MICAL2: variants seen among roughly 807,000 people sequenced by gnomAD.
MICAL2 encodes the protein [F-actin]-monooxygenase MICAL2.
In MICAL2, 77 loss-of-function variants were observed where a neutral mutation model predicts 127.3. That is an observed-to-expected ratio of 0.60 (90% CI 0.50 to 0.73). MICAL2 has a LOEUF of 0.73. Among genes scored for constraint, MICAL2 ranks in the 30% least tolerant of loss-of-function variants. The pLI is 0.00. For missense variants in MICAL2, 1,351 were observed against 1,434.4 expected (o/e 0.94, Z 0.94); for synonymous variants, 570 against 551.1 (o/e 1.03, Z -0.48).
At chr11:12,168,642 T>TTA (rs1165342553) in intron 3 of MICAL2, among the ~76,000 whole-genome samples, 1 of 151,570 alleles carries the variant, frequency 6.6e-6, no homozygotes, top group Non-Finnish European at 1.5e-5. Context: ...ATATATTTCT[T>TTA]TATATATATA....
At chr11:12,134,228 T>A (rs1302953432) in intron 1 of MICAL2, among the ~76,000 whole-genome samples, 2 of 152,238 alleles carry the variant, frequency 1.3e-5, no homozygotes, top group African/African-American at 4.8e-5. Context: ...AGGCAAGTTT[T>A]CTTCCCTTAT....
intron 3 of MICAL2, among the ~76,000 whole-genome samples, chr11:12,168,719 T>G (rs931565542): frequency 6.6e-6 from 1 of 151,016 alleles, no homozygotes; most frequent in Non-Finnish European, 1.5e-5. Flanking sequence ...AAAAAATAAC[T>G]CAAGTAGGGT....
In MICAL2 at chr11:12,221,744, A is replaced by C. The variant is rs1469065848; in HGVS notation, c.1307A>C (p.Glu436Ala). Reference sequence around the variant, plus strand: ...TGGAACCAGGGCACCCCTCCCCTGGAGCTGCTGGCTGAAAGGTGAGCTTTG... The same window carrying C: ...TGGAACCAGGGCACCCCTCCCCTGGCGCTGCTGGCTGAAAGGTGAGCTTTG... ...KSWNQGTPPLELLAERESLYR... is the reference protein window; with the variant it reads ...KSWNQGTPPLALLAERESLYR... The change falls in exon 10 of 28, where the codon GAG (glutamate) becomes GCG (alanine). Residue 436 changes from glutamate to alanine, a missense_variant. Glu to Ala is a moderately radical substitution (Grantham distance 107). Coordinates refer to ENST00000683283, the MANE Select transcript of MICAL2 (RefSeq NM_001282663.2). 6.2e-7 allele frequency: 1 copy of C among 1,613,098 alleles called. No homozygotes were observed. Among genetic ancestry groups the C allele is most frequent in the Non-Finnish European group, 8.5e-7 (1 of 1,179,652 alleles).
At chr11:12,160,796 G>A (rs141309020) in intron 2 of MICAL2, among the ~76,000 whole-genome samples, 1 of 152,222 alleles carries the variant, frequency 6.6e-6, no homozygotes, top group Non-Finnish European at 1.5e-5. Context: ...GGCGGGGCCT[G>A]AGCCTACGTA....
rs189663248 is a variant in MICAL2, at chr11:12,346,446, C to A, written c.5516-3392C>A. Among the ~76,000 whole-genome samples the A allele has an allele frequency of 7.0e-4, 107 of 152,258 alleles. 2 individuals carry two copies. The highest frequency in any genetic ancestry group is 6.1e-3 in the Admixed American group (93 of 15,304). ...GAAGTAGAGGAGTGGCATTTTGATC[C>A]CAAGTCTGAGTTTAAAGTGTACATT... is the stretch of plus-strand genomic sequence containing the variant. On this transcript the variant is annotated intron_variant, in intron 32 of 34. Coordinates refer to the MICAL2 transcript ENST00000646065.
In MICAL2 at chr11:12,184,426, C is replaced by T. The variant is rs151084088; in HGVS notation, c.265-19824C>T. 8.8e-3 allele frequency among the ~76,000 whole-genome samples: 1,340 copies of T among 152,318 alleles called. 14 individuals are homozygous for T. Among genetic ancestry groups the T allele is most frequent in the Admixed American group, 0.013 (204 of 15,306 alleles). ...CCCTGACCACCAGCATACCTGCCCACAGAGGCCGAAAATGTGGTAGTCAGC... is the reference window on the plus strand; with the variant it reads ...CCCTGACCACCAGCATACCTGCCCATAGAGGCCGAAAATGTGGTAGTCAGC... On this transcript the variant is annotated intron_variant, in intron 3 of 27. Coordinates refer to ENST00000683283, the MANE Select transcript of MICAL2 (RefSeq NM_001282663.2).
chr11:12,222,829 G>A, intron 11 of MICAL2, 86 bp downstream of exon 11: 1 of 1,549,502 alleles, frequency 6.5e-7, no homozygotes, highest in Middle Eastern at 1.9e-4. Context: ...ATTAAATTTT[G>A]GTCCATTCCT....
chr11:12,241,639 TGGC>T (rs2134471740), intron 18 of MICAL2, among the ~76,000 whole-genome samples: 1 of 152,360 alleles, frequency 6.6e-6, no homozygotes, highest in East Asian at 1.9e-4. Context: ...GGAAGGCAGC[TGGC>T]AGTCACGGAG....
At chr11:12,352,235 A>C in intron 33 of MICAL2, among the ~76,000 whole-genome samples, 1 of 152,220 alleles carries the variant, frequency 6.6e-6, no homozygotes, top group East Asian at 1.9e-4. Context: ...AAAACGTAAA[A>C]ATTATTTTAA....
downstream of MICAL2, among the ~76,000 whole-genome samples, chr11:12,361,292 A>T (rs145108585): frequency 1.5e-3 from 230 of 152,318 alleles, 2 homozygotes; most frequent in African/African-American, 5.2e-3. Flanking sequence ...TGGTCTATTT[A>T]TTTAACATCC....
chr11:12,228,708 G>A (rs990012056), intron 15 of MICAL2, among the ~76,000 whole-genome samples: 2 of 152,170 alleles, frequency 1.3e-5, no homozygotes, highest in Non-Finnish European at 2.9e-5. Context: ...GCGCTTCTAC[G>A]GGATGGGCCC....
intron 1 of MICAL2, among the ~76,000 whole-genome samples, chr11:12,114,485 A>G (rs573381239): frequency 1.3e-5 from 2 of 152,218 alleles, no homozygotes; most frequent in African/African-American, 4.8e-5. Context: ...TAGTTTAGAG[A>G]AGCGCCCCCT....
chr11:12,161,959 CTAAA>C (rs969049126), intron 2 of MICAL2, 116 bp from the exon 3 acceptor site: 5 of 655,592 alleles, frequency 7.6e-6, no homozygotes, highest in African/African-American at 7.3e-5. Flanking sequence ...GTATTGAACA[CTAAA>C]TAGTGTGGTT....
chr11:12,168,817 C>T (rs1855867415), intron 3 of MICAL2, among the ~76,000 whole-genome samples: 1 of 151,630 alleles, frequency 6.6e-6, no homozygotes, highest in African/African-American at 2.4e-5. Flanking sequence ...TGCACCCCAC[C>T]GTGCCTGTGG....
In MICAL2 at chr11:12,146,268, G is replaced by A. The variant is rs554417879; in HGVS notation, c.-78+7808G>A. ...CACAGCAAAAGAAACTACCATCAGCGTGAATAGGCAACCTACAGAATGGGA... is the reference window on the plus strand; with the variant it reads ...CACAGCAAAAGAAACTACCATCAGCATGAATAGGCAACCTACAGAATGGGA... On this transcript the variant is annotated intron_variant, in intron 2 of 27. Transcript: ENST00000683283. Among the ~76,000 whole-genome samples, 83 of 152,294 alleles carry A rather than the reference G, an allele frequency of 5.4e-4. 2 individuals are homozygous for A. In the South Asian group the frequency reaches 0.015, roughly 28 times the overall value.
chr11:12,293,696 G>T (rs765648143), downstream of MICAL2: 1 of 1,614,092 alleles, frequency 6.2e-7, no homozygotes, highest in Non-Finnish European at 8.5e-7. Context: ...CCCAAAGCCA[G>T]AGTGGGCAGA....
downstream of MICAL2, among the ~76,000 whole-genome samples, chr11:12,360,264 A>G (rs1276764851): frequency 2.0e-5 from 3 of 152,194 alleles, no homozygotes; most frequent in African/African-American, 7.2e-5. Flanking sequence ...ATTGGTGAGA[A>G]TTGATAATAT....
At chr11:12,282,572 G>C (rs1375422034) in intron 2 of MICAL2, among the ~76,000 whole-genome samples, 1 of 152,172 alleles carries the variant, frequency 6.6e-6, no homozygotes, top group Non-Finnish European at 1.5e-5. Context: ...CCCCAGAGAG[G>C]CAGACCATAA....
At chr11:12,210,404 G>A (rs767013129) in intron 6 of MICAL2, among the ~76,000 whole-genome samples, 3 of 152,208 alleles carry the variant, frequency 2.0e-5, no homozygotes, top group Non-Finnish European at 4.4e-5. Flanking sequence ...GCCACAGGCT[G>A]CAGATGCCTG....
Sources: gnomAD v4.1 joint callset for allele counts (sites outside exome capture counted in the v4.1 genomes callset) on GRCh38, gnomAD v4.1.1 for gene constraint, MANE v1.5 for transcripts, NCBI Gene and HGNC (gene_info 2026-07-23, HGNC 2026-07-21) for gene names.